Variants in DAB1 observed in about 807,000 individuals in gnomAD.
The protein encoded by DAB1 is DAB adaptor protein 1.
DAB1 carries 15 observed loss-of-function variants against 64.6 expected under a neutral mutation model. The observed-to-expected ratio is 0.23, with a 90% CI of 0.16 to 0.36. The LOEUF is 0.36. DAB1 is among the 10% of genes least tolerant of loss of function. The pLI, the probability that DAB1 is intolerant of heterozygous loss-of-function variation, is 1.00. For synonymous variants in DAB1, 235 were observed against 251.9 expected, an observed-to-expected ratio of 0.93 and a Z score of 0.64; for missense variants, 596 against 706.7, an observed-to-expected ratio of 0.84 and a Z score of 1.78.
At position 57,470,700 on chromosome 1, in the gene DAB1, T is replaced by C. The variant is rs929683325; in HGVS notation, n.625+178892A>G. 2.0e-5 allele frequency among the ~76,000 whole-genome samples: 3 copies of C among 152,134 alleles called. No individual in the cohort carries two copies. In the East Asian group the frequency reaches 5.8e-4, roughly 29 times the overall value. ...GACCCTGATGATTACTCAAGTGAGG[T>C]AAAAGAGTGAAAACTATTGAATAGC... On this transcript the variant is annotated intron_variant and non_coding_transcript_variant, in intron 7 of 20. Coordinates refer to the DAB1 transcript ENST00000485760.
chr1:57,253,271 G>A (rs1380131666), intron 2 of DAB1, among the ~76,000 whole-genome samples: 3 of 152,174 alleles, frequency 2.0e-5, no homozygotes, highest in African/African-American at 7.2e-5. Flanking sequence ...CTGAGTGACT[G>A]TTAGTTCTAC....
chr1:57,798,894 C>T (rs1255676290), intron 6 of DAB1, among the ~76,000 whole-genome samples: 1 of 152,184 alleles, frequency 6.6e-6, no homozygotes, highest in East Asian at 1.9e-4. Flanking sequence ...TATGCCTATA[C>T]ACATTCATGC....
chr1:57,368,832 A>T (rs1471924243), intron 1 of DAB1, among the ~76,000 whole-genome samples: 1 of 152,136 alleles, frequency 6.6e-6, no homozygotes, highest in Non-Finnish European at 1.5e-5. Context: ...CACCTCAAAG[A>T]TCCCATAAAA....
At chr1:58,489,802 A>T (rs1422326520) in intron 3 of DAB1, among the ~76,000 whole-genome samples, 3 of 152,214 alleles carry the variant, frequency 2.0e-5, no homozygotes, top group Non-Finnish European at 4.4e-5. Context: ...GCTGTTCTGC[A>T]GCCTCCGCTG....
At chr1:57,086,390 T>A (rs948792224) in intron 4 of DAB1, among the ~76,000 whole-genome samples, 11 of 152,072 alleles carry the variant, frequency 7.2e-5, no homozygotes, top group Non-Finnish European at 1.5e-4. Context: ...CAAATAAACC[T>A]GGCTCTCCCT....
intron 7 of DAB1, among the ~76,000 whole-genome samples, chr1:57,572,597 T>C (rs540626466): frequency 6.6e-6 from 1 of 152,340 alleles, no homozygotes; most frequent in Admixed American, 6.5e-5. Context: ...AGTTAATCCA[T>C]ATAAATATTT....
At chr1:57,522,109 CA>C (rs111419395) in intron 7 of DAB1, among the ~76,000 whole-genome samples, 140 of 146,172 alleles carry the variant, frequency 9.6e-4, no homozygotes, top group African/African-American at 3.3e-3. Flanking sequence ...GACTCCATCT[CA>C]AAAAAAAAAG....
At chr1:58,216,008 G>A (rs1050773401) in intron 4 of DAB1, among the ~76,000 whole-genome samples, 3 of 152,090 alleles carry the variant, frequency 2.0e-5, no homozygotes, top group African/African-American at 7.2e-5. Context: ...TGGGTCAACA[G>A]ATGGATGGAT....
intron 1 of DAB1, among the ~76,000 whole-genome samples, chr1:57,320,804 T>C (rs1675649772): frequency 6.6e-6 from 1 of 152,146 alleles, no homozygotes; most frequent in Non-Finnish European, 1.5e-5. Flanking sequence ...CCCTATGTGG[T>C]AGTTATTACT....
intron 4 of DAB1, among the ~76,000 whole-genome samples, chr1:58,171,691 T>C (rs1312165494): frequency 6.6e-6 from 1 of 152,236 alleles, no homozygotes; most frequent in Non-Finnish European, 1.5e-5. Context: ...GGTTTAGGGA[T>C]AGCCCTCATC....
rs560985785 is a variant in DAB1, at chr1:58,144,326, G to A, written n.387+6185C>T. ...TTTATTTTAAAAACTGACTTGGCAA[G>A]TAAAGATTATCAACAGTCCTTTCTT... On this transcript the variant is annotated intron_variant and non_coding_transcript_variant, in intron 5 of 20. Transcript: ENST00000485760. Among the ~76,000 whole-genome samples the A allele has an allele frequency of 5.9e-5, 9 of 152,304 alleles. No homozygotes were observed. The South Asian group carries it at 1.7e-3, about 28-fold the overall frequency.
chr1:57,867,218 C>T (rs906208300), intron 1 of DAB1: 1 of 152,166 alleles, frequency 6.6e-6, no homozygotes. Flanking sequence ...TAATGGACTT[C>T]ACCCCGGAAA....
intron 4 of DAB1, among the ~76,000 whole-genome samples, chr1:57,095,498 T>G (rs1472501424): frequency 6.6e-6 from 1 of 152,228 alleles, no homozygotes; most frequent in Non-Finnish European, 1.5e-5. Context: ...GCAGATATAC[T>G]TAGACTCCCC....
At chr1:57,656,618 A>C (rs1646322136) in intron 6 of DAB1, among the ~76,000 whole-genome samples, 1 of 152,176 alleles carries the variant, frequency 6.6e-6, no homozygotes, top group African/African-American at 2.4e-5. Context: ...CACAGCTCCC[A>C]AAAAACCACA....
intron 1 of DAB1, among the ~76,000 whole-genome samples, chr1:57,846,480 A>G (rs1207513677): frequency 1.3e-5 from 2 of 150,730 alleles, no homozygotes; most frequent in African/African-American, 4.9e-5. Context: ...AAAAAAATCA[A>G]TGCTTCCTCT....
chr1:57,484,771 T>C (rs1174213493), intron 7 of DAB1, among the ~76,000 whole-genome samples: 1 of 152,122 alleles, frequency 6.6e-6, no homozygotes, highest in Non-Finnish European at 1.5e-5. Context: ...GTCTCAGTAC[T>C]GGGATTGTAA....
chr1:57,140,793 G>A (rs1261268315), intron 3 of DAB1, among the ~76,000 whole-genome samples: 2 of 152,082 alleles, frequency 1.3e-5, no homozygotes, highest in African/African-American at 4.8e-5. Context: ...TGAAATGATT[G>A]ACACAGGCAT....
At chr1:58,145,035 C>T (rs1232508710) in intron 5 of DAB1, among the ~76,000 whole-genome samples, 5 of 152,214 alleles carry the variant, frequency 3.3e-5, no homozygotes, top group Admixed American at 3.3e-4. Context: ...GGGGATGGGG[C>T]TGCAGATGGG....
intron 5 of DAB1, among the ~76,000 whole-genome samples, chr1:58,113,282 T>C (rs985254327): frequency 6.6e-6 from 1 of 152,046 alleles, no homozygotes; most frequent in African/African-American, 2.4e-5. Context: ...TGTTGATTGG[T>C]TGGAGGGTGC....
Sources: gnomAD v4.1 joint callset for allele counts (sites outside exome capture counted in the v4.1 genomes callset) on GRCh38, gnomAD v4.1.1 for gene constraint, MANE v1.5 for transcripts, NCBI Gene and HGNC (gene_info 2026-07-23, HGNC 2026-07-21) for gene names.